Variants in DBH observed in about 807,000 individuals in gnomAD.
The protein encoded by DBH is dopamine beta-hydroxylase (dopamine beta-monooxygenase).
In DBH, 49 loss-of-function variants were observed where a neutral mutation model predicts 64.0. The observed-to-expected ratio is 0.77, with a 90% CI of 0.61 to 0.97. The LOEUF is 0.97. Ranked by LOEUF, DBH falls within the 50% of genes least tolerant of loss-of-function variation. The probability of loss-of-function intolerance (pLI) is 0.00; values close to 1 mark genes in which losing one functional copy is unlikely to be tolerated. For synonymous variants in DBH, 343 were observed against 347.1 expected (o/e 0.99, Z 0.13); for missense variants, 828 against 826.6 (o/e 1.00, Z -0.02).
At chr9:133,652,741 G>T (rs568909518) in intron 8 of DBH, among the ~76,000 whole-genome samples, 199 bp from the exon 9 acceptor site, 2 of 152,278 alleles carry the variant, frequency 1.3e-5, no homozygotes, top group Admixed American at 6.5e-5. Context: ...CACAGGAGCT[G>T]ATGGTTTATA....
chr9:133,639,313 T>G (rs923248222), intron 1 of DBH, among the ~76,000 whole-genome samples: 47 of 151,792 alleles, frequency 3.1e-4, no homozygotes, highest in Admixed American at 2.6e-4. Context: ...CAGTGCAGGG[T>G]GGGCACCTGC....
At chr9:133,652,402 T>A in intron 8 of DBH, 118 bp downstream of exon 8, 1 of 1,258,644 alleles carries the variant, frequency 7.9e-7, no homozygotes, top group Non-Finnish European at 1.1e-6. Context: ...GGGAGAGCCA[T>A]CCAGGGCAGG....
intron 9 of DBH, chr9:133,656,198 A>G (rs567026528): frequency 9.5e-5 from 34 of 358,160 alleles, no homozygotes; most frequent in African/African-American, 5.9e-4. Context: ...ACCACGGGGC[A>G]TCCCCTTGCC....
chr9:133,648,114 G>T, intron 6 of DBH, 102 bp downstream of exon 6: 2 of 1,372,194 alleles, frequency 1.5e-6, no homozygotes, highest in Non-Finnish European at 2.0e-6. Flanking sequence ...CACAGCTTTG[G>T]TTTCCCCTGA....
intron 1 of DBH, 116 bp downstream of exon 1, chr9:133,636,826 T>G: frequency 1.0e-6 from 1 of 994,528 alleles, no homozygotes; most frequent in Non-Finnish European, 1.5e-6. Flanking sequence ...CCTGTCAGTG[T>G]TTGAGTTGAC....
At position 133,643,225 on chromosome 9, in the gene DBH, GC is replaced by G. The variant is rs1237243176; in HGVS notation, c.745-186del. Among the ~76,000 whole-genome samples the G allele has an allele frequency of 6.6e-6, 1 of 152,078 alleles. No homozygotes were observed. The highest frequency in any genetic ancestry group is 2.4e-5 in the African/African-American group (1 of 41,398). ...ACCTCATTTCCTTCACTCTGGAGCT[GC>G]CTACGGGATTTCTTTCTGGGCTGAT... On this transcript the variant is annotated intron_variant, in intron 3 of 11. Coordinates refer to ENST00000393056, the MANE Select transcript of DBH (RefSeq NM_000787.4). The surrounding 1 kb of genome is among the most constrained non-coding windows in gnomAD (Gnocchi z 5.3).
At chr9:133,650,641 G>A (rs764398367) in intron 6 of DBH, among the ~76,000 whole-genome samples, 57 of 147,728 alleles carry the variant, frequency 3.9e-4, no homozygotes, top group Non-Finnish European at 7.9e-4. Context: ...TCTGCCTCCC[G>A]GGTTCAAGTG....
At chr9:133,637,983 C>T (rs891890265) in intron 1 of DBH, among the ~76,000 whole-genome samples, 2 of 152,250 alleles carry the variant, frequency 1.3e-5, no homozygotes, top group East Asian at 1.9e-4. Flanking sequence ...TGAACCCCAT[C>T]GCTGACAGTT....
intron 1 of DBH, among the ~76,000 whole-genome samples, chr9:133,638,686 T>G (rs1202998626): frequency 6.6e-6 from 1 of 152,086 alleles, no homozygotes; most frequent in Admixed American, 6.5e-5. Flanking sequence ...GGAATATGAT[T>G]CTCACACACG....
chr9:133,642,394 G>T lies in DBH; in HGVS notation c.674G>T (p.Ser225Ile). The change falls in exon 3 of 12, where the codon AGC becomes ATC. Residue 225 changes from serine (S) to isoleucine (I), a missense_variant. Coordinates refer to ENST00000393056, the MANE Select transcript of DBH (RefSeq NM_000787.4). ...CAAGCTCCCAATATCCAGATCCCCAGCCAGGAGACCACGTACTGGTGCTAC... is the reference window on the plus strand; with the variant it reads ...CAAGCTCCCAATATCCAGATCCCCATCCAGGAGACCACGTACTGGTGCTAC... Reference protein sequence around the residue: ...EVQAPNIQIPSQETTYWCYIK... With the variant: ...EVQAPNIQIPIQETTYWCYIK... 1 of 1,614,098 alleles carries T rather than the reference G, an allele frequency of 6.2e-7. No individual in the cohort carries two copies. The highest frequency in any genetic ancestry group is 1.1e-5 in the South Asian group (1 of 91,062).
rs140355168 is a variant in DBH at position 133,658,765 on chromosome 9, C to A, written c.*318C>A. The A allele has an allele frequency of 2.3e-4, 48 of 211,230 alleles. No individual in the cohort carries two copies. The East Asian group carries it at 4.1e-3, about 18-fold the overall frequency. 13.1% of individuals were successfully genotyped at this position (211,230 alleles called of 1,614,324 possible). On this transcript the variant is annotated 3_prime_UTR_variant, in exon 12 of 12. Transcript: ENST00000393056. ...GGTCCAGCCCTCCGCCAGCCCTGTT[C>A]CGCCTCACTGGGTGTGGCCTGGCTT...
At chr9:133,657,433 GGAGAGAGAGGAGAGAGAGGA>G (rs1564215782) in intron 11 of DBH, 14 of 467,802 alleles carry the variant, frequency 3.0e-5, no homozygotes, top group East Asian at 2.1e-4. Flanking sequence ...AGGAGAGAGA[GGAGAGAGAGGAGAGAGAGGA>G]GAGAGGGAGA....
At position 133,658,615 on chromosome 9, in the gene DBH, A is replaced by G; in HGVS notation, c.*168A>G. On this transcript the variant is annotated 3_prime_UTR_variant, in exon 12 of 12. Transcript: ENST00000393056. ...CGGTCCAATCCAGCCTTCTTCCCCC[A>G]GGGTCCCCTGCATGGCTGAGAGGGT... The G allele has an allele frequency of 1.3e-6, 1 of 785,734 alleles. No homozygotes were observed. Among genetic ancestry groups the G allele is most frequent in the Non-Finnish European group, 1.9e-6 (1 of 521,370 alleles). The allele number at this position is 785,734 out of a possible 1,614,324, so 48.7% of individuals were successfully genotyped here. A position where few individuals can be genotyped will look rare whatever the true frequency, so the allele number is the denominator to read the frequency against.
At position 133,644,131 on chromosome 9, in the gene DBH, G is replaced by A. The variant is rs1564209838; in HGVS notation, c.922-87G>A. On this transcript the variant is annotated intron_variant, in intron 4 of 11. Transcript: ENST00000393056. ...CCCCTCCACCACCCCTGAGGCTCAG[G>A]CCCCAACAGTTGACTGGGTTTGCCC... is the stretch of plus-strand genomic sequence containing the variant. 5.1e-6 allele frequency: 5 copies of A among 975,562 alleles called. No individual in the cohort carries two copies. In the East Asian group the frequency reaches 7.1e-5, roughly 14 times the overall value. The allele number at this position is 975,562 out of a possible 1,614,324, so 60.4% of individuals were successfully genotyped here. A position where few individuals can be genotyped will look rare whatever the true frequency, so the allele number is the denominator to read the frequency against.
chr9:133,640,516 A>G (rs1832105773), intron 2 of DBH, among the ~76,000 whole-genome samples: 1 of 152,216 alleles, frequency 6.6e-6, no homozygotes, highest in Non-Finnish European at 1.5e-5. Context: ...GAGCCATAAA[A>G]CATTGTAAAA....
At chr9:133,656,765 C>G (rs1832327018) in intron 10 of DBH, 115 bp downstream of exon 10, 1 of 1,339,982 alleles carries the variant, frequency 7.5e-7, no homozygotes. Flanking sequence ...GGAGCAGAGA[C>G]CTGTGGCGGC....
intron 6 of DBH, among the ~76,000 whole-genome samples, chr9:133,648,661 T>A (rs1484886041): frequency 1.3e-5 from 2 of 152,234 alleles, no homozygotes; most frequent in Non-Finnish European, 2.9e-5. Flanking sequence ...GCACCCGTCC[T>A]CAGGGCTATG....
rs927397765 is a variant in DBH at position 133,636,792 on chromosome 9, T to A, written c.339+82T>A. ...GGCCGTCTTTCTGCACTCACCCTCC[T>A]TAACCCAGAAAGTTCTTCTGTCACC... On this transcript the variant is annotated intron_variant, in intron 1 of 11. Transcript: ENST00000393056. The A allele has an allele frequency of 5.3e-6, 7 of 1,309,660 alleles. No homozygotes were observed. In the African/African-American group the frequency reaches 1.0e-4, roughly 19 times the overall value. The allele number at this position is 1,309,660 out of a possible 1,614,324, so 81.1% of individuals were successfully genotyped here.
chr9:133,656,323 GACTC>G (rs908597132), intron 9 of DBH, 196 bp from the exon 10 acceptor site: 15 of 626,606 alleles, frequency 2.4e-5, no homozygotes, highest in South Asian at 5.6e-5. Flanking sequence ...TTTCCTGGTT[GACTC>G]ACTCACTCAC....
Sources: allele counts gnomAD v4.1 joint callset (sites outside exome capture counted in the v4.1 genomes callset), GRCh38; gene constraint gnomAD v4.1.1; non-coding constraint Gnocchi (gnomAD v3.1); transcripts MANE v1.5; gene names NCBI Gene and HGNC (gene_info 2026-07-23, HGNC 2026-07-21).